The following NUP205 variants were observed in gnomAD, a reference collection of about 807,000 sequenced individuals.
NUP205 encodes the protein nuclear pore complex protein Nup205.
NUP205 carries 76 observed loss-of-function variants against 253.8 expected under a neutral mutation model. The observed-to-expected ratio is 0.30, with a 90% CI of 0.25 to 0.36. NUP205 has a LOEUF of 0.36. Among genes scored for constraint, NUP205 ranks in the 10% least tolerant of loss-of-function variants. The pLI is 1.00. For missense variants in NUP205, 2,162 were observed against 2,425.5 expected, an observed-to-expected ratio of 0.89 and a Z score of 2.28; for synonymous variants, 832 against 850.1, an observed-to-expected ratio of 0.98 and a Z score of 0.37.
At chr7:135,594,018 C>T (rs1793760279) in intron 12 of NUP205, among the ~76,000 whole-genome samples, 1 of 152,000 alleles carries the variant, frequency 6.6e-6, no homozygotes. Flanking sequence ...GGATGGATAT[C>T]CTAATTACCC....
chr7:135,631,096 A>G (rs555434769), intron 35 of NUP205, among the ~76,000 whole-genome samples: 3 of 152,280 alleles, frequency 2.0e-5, no homozygotes, highest in South Asian at 2.1e-4. Context: ...AGGGGGAGAG[A>G]GAGAAAGAAA....
chr7:135,578,902 A>G lies in NUP205; in HGVS notation c.1029A>G (p.Leu343=). The change falls in exon 7 of 43, where the codon CTA becomes CTG. Residue 343 remains leucine (L), a synonymous_variant. Coordinates refer to ENST00000285968, the MANE Select transcript of NUP205 (RefSeq NM_015135.3). ...WALALRGISQ[L]PDVTALAEFT... ...TGGCATTGAGGGGAATATCCCAGCT[A>G]CCTGATGTGACAGGTGAATTGATTG... The G allele has an allele frequency of 1.3e-6, 2 of 1,594,306 alleles. No individual in the cohort carries two copies. The highest frequency in any genetic ancestry group is 8.5e-7 in the Non-Finnish European group (1 of 1,173,934).
rs558288644 is a variant in NUP205, at chr7:135,609,112, A to C, written c.3195+1741A>C. On this transcript the variant is annotated intron_variant, in intron 22 of 42. Coordinates refer to ENST00000285968, the MANE Select transcript of NUP205 (RefSeq NM_015135.3). ...AGAGCAAAACTCCGTCTCAAAAAAA[A>C]AAAAAAAAAAAAGAACCAGGCTTTA... Among the ~76,000 whole-genome samples the C allele has an allele frequency of 2.6e-3, 396 of 151,374 alleles. 1 individual carries two copies. Among genetic ancestry groups the C allele is most frequent in the Non-Finnish European group, 5.1e-3 (345 of 67,800 alleles).
chr7:135,616,649 C>T lies in NUP205; in HGVS notation c.3461-6C>T. ...TTCTGATTCAATATTATTGATATTC[C>T]AACAGATGGTGAAGGAGGAATAGAA... On this transcript the variant is annotated splice_region_variant and splice_polypyrimidine_tract_variant and intron_variant, in intron 24 of 42. Transcript: ENST00000285968. 1 of 1,518,136 alleles carries T rather than the reference C, an allele frequency of 6.6e-7. No homozygotes were observed. The highest frequency in any genetic ancestry group is 8.9e-7 in the Non-Finnish European group (1 of 1,129,010). 94.0% of individuals were successfully genotyped at this position (1,518,136 alleles called of 1,614,324 possible). A position where few individuals can be genotyped will look rare whatever the true frequency, so the allele number is the denominator to read the frequency against.
At chr7:135,630,653 G>A (rs192233228) in intron 35 of NUP205, among the ~76,000 whole-genome samples, 183 bp downstream of exon 35, 129 of 152,278 alleles carry the variant, frequency 8.5e-4, no homozygotes, top group African/African-American at 2.8e-3. Context: ...GCTGGGTGTG[G>A]TGGCTCATGC....
At chr7:135,566,760 C>T (rs939082936) in intron 1 of NUP205, among the ~76,000 whole-genome samples, 8 of 151,886 alleles carry the variant, frequency 5.3e-5, no homozygotes, top group African/African-American at 9.7e-5. Context: ...TTTTTTGAGA[C>T]GGAGTCTTGC....
intron 22 of NUP205, among the ~76,000 whole-genome samples, chr7:135,613,231 G>T (rs1391726472): frequency 6.6e-6 from 1 of 151,218 alleles, no homozygotes. Context: ...TACCATATGG[G>T]CTACTTTTAC....
At chr7:135,570,095 A>AGAGAGAGAGAGAG (rs1805913745) in intron 1 of NUP205, among the ~76,000 whole-genome samples, 1 of 147,104 alleles carries the variant, frequency 6.8e-6, no homozygotes, top group Admixed American at 6.9e-5. Flanking sequence ...AGAGAGAGAG[A>AGAGAGAGAGAGAG]AACTGAAGTT....
rs775539803 is a variant in NUP205, at chr7:135,614,149, A to G, written c.3196-10A>G. 10 of 1,437,732 alleles carry G rather than the reference A, an allele frequency of 7.0e-6. No homozygotes were observed. The highest frequency in any genetic ancestry group is 9.8e-6 in the Non-Finnish European group (10 of 1,024,654). 89.1% of individuals were successfully genotyped at this position (1,437,732 alleles called of 1,614,324 possible). On this transcript the variant is annotated splice_polypyrimidine_tract_variant and intron_variant, in intron 22 of 42. Coordinates refer to ENST00000285968, the MANE Select transcript of NUP205 (RefSeq NM_015135.3). The stretch of plus-strand genomic sequence containing the variant: ...CTGATTCAGGGATTTTTCTTACTTT[A>G]ATGCTTTAGGTCATATATCAGTTAT...
At chr7:135,571,287 T>G in intron 2 of NUP205, 40 bp downstream of exon 2, 1 of 1,318,342 alleles carries the variant, frequency 7.6e-7, no homozygotes, top group Non-Finnish European at 9.9e-7. Flanking sequence ...GGATTTTTTT[T>G]TTTTTAAGAT....
intron 35 of NUP205, among the ~76,000 whole-genome samples, chr7:135,631,939 C>T (rs542715385): frequency 3.3e-5 from 5 of 152,030 alleles, no homozygotes; most frequent in African/African-American, 7.2e-5. Context: ...TTAGTAGAGA[C>T]GGGGTTTCAC....
At chr7:135,641,681 A>AGGATCACCTGAGCCCAGGAGGTTGAGGT (rs71174541) in intron 38 of NUP205, among the ~76,000 whole-genome samples, 16,687 of 146,292 alleles carry the variant, frequency 0.11, 1,314 homozygotes, top group Non-Finnish European at 0.15. Context: ...CTGAGGTGGG[A>AGGATCACCTGAGCCCAGGAGGTTGAGGT]GGATCACCTG....
At chr7:135,632,505 C>T (rs55752140) in intron 35 of NUP205, among the ~76,000 whole-genome samples, 5,187 of 151,948 alleles carry the variant, frequency 0.034, 116 homozygotes, top group Middle Eastern at 0.1. Context: ...TCTGAATCCA[C>T]CCTATAATCC....
rs754542120 is a variant in NUP205, at chr7:135,619,468, G to A, written c.4009G>A (p.Gly1337Arg). The change falls in exon 29 of 43, where the codon GGG (glycine) becomes AGG (arginine). Residue 1337 changes from glycine to arginine, a missense_variant. Around this residue, in one of 5 missense-constraint regions of NUP205, gnomAD observed 1,144 missense variants for 1,280.9 expected, o/e 0.89. Transcript: ENST00000285968. ...AAQELMPVVA[G>R]AVFTLTAHLS... ...GCAAGAGTTAATGCCTGTGGTCGCC[G>A]GGGCAGTGTTCACACTGACTGCTCA... 3.1e-6 allele frequency: 5 copies of A among 1,613,512 alleles called. No homozygotes were observed. The highest frequency in any genetic ancestry group is 1.1e-5 in the South Asian group (1 of 91,032).
intron 10 of NUP205, among the ~76,000 whole-genome samples, chr7:135,590,432 T>G (rs1344014037): frequency 6.6e-6 from 1 of 152,118 alleles, no homozygotes; most frequent in East Asian, 1.9e-4. Context: ...TATTTTTACT[T>G]TCGTTTTATT....
chr7:135,574,791 A>G (rs535327267), intron 3 of NUP205, among the ~76,000 whole-genome samples: 2 of 152,316 alleles, frequency 1.3e-5, no homozygotes, highest in African/African-American at 4.8e-5. Flanking sequence ...GAAAAGAGAG[A>G]AAAATTTCTA....
At chr7:135,634,212 C>T (rs1403729201) in intron 35 of NUP205, among the ~76,000 whole-genome samples, 1 of 152,132 alleles carries the variant, frequency 6.6e-6, no homozygotes, top group Non-Finnish European at 1.5e-5. Flanking sequence ...CAGATGTGAG[C>T]CACCATGCCC....
At chr7:135,590,489 T>G (rs1563118900) in intron 10 of NUP205, among the ~76,000 whole-genome samples, 1 of 152,130 alleles carries the variant, frequency 6.6e-6, no homozygotes, top group Non-Finnish European at 1.5e-5. Context: ...CCTTAATATT[T>G]AAGTAAGTAT....
intron 38 of NUP205, among the ~76,000 whole-genome samples, chr7:135,642,628 A>G (rs927067197): frequency 6.6e-6 from 1 of 152,228 alleles, no homozygotes; most frequent in South Asian, 2.1e-4. Flanking sequence ...GTTGTGGCAA[A>G]AGATTTTTTA....
Sources: allele counts gnomAD v4.1 joint callset (sites outside exome capture counted in the v4.1 genomes callset), GRCh38; gene constraint gnomAD v4.1.1; regional missense constraint gnomAD v4.1.1; transcripts MANE v1.5; gene names NCBI Gene and HGNC (gene_info 2026-07-23, HGNC 2026-07-21).